GRB10: variants seen among roughly 807,000 people sequenced by gnomAD.
The protein encoded by GRB10 is growth factor receptor-bound protein 10.
In GRB10, 20 loss-of-function variants were observed where a neutral mutation model predicts 80.9. That is an observed-to-expected ratio of 0.25 (90% CI 0.17 to 0.36). The LOEUF (loss-of-function observed/expected upper bound fraction) is 0.36. GRB10 is among the 10% of genes least tolerant of loss of function. The probability of loss-of-function intolerance (pLI) is 1.00; values close to 1 mark genes in which losing one functional copy is unlikely to be tolerated. For missense variants in GRB10, 548 were observed against 747.7 expected, an observed-to-expected ratio of 0.73 and a Z score of 3.12; for synonymous variants, 291 against 291.5, an observed-to-expected ratio of 1.00 and a Z score of 0.02.
Position 50,782,527 on chromosome 7 carries a change from C to G in GRB10, c.-430G>C, listed in dbSNP as rs1193085314. On this transcript the variant is annotated 5_prime_UTR_variant, in exon 1 of 19. Transcript: ENST00000401949. This position sits in a 1 kb window ranked among gnomAD's most constrained non-coding sequence, Gnocchi z 6.6. Reference sequence around the variant, plus strand: ...GCCCCCGCAGTGCCCGGCGCGTGGACAGCGCTCCGCATGGACAGCGCTCGG... The same window carrying G: ...GCCCCCGCAGTGCCCGGCGCGTGGAGAGCGCTCCGCATGGACAGCGCTCGG... 6.6e-6 allele frequency: 1 copy of G among 150,428 alleles called. No homozygotes were observed. The highest frequency in any genetic ancestry group is 1.5e-5 in the Non-Finnish European group (1 of 67,428). The allele number at this position is 150,428 out of a possible 1,614,324, so 9.3% of individuals were successfully genotyped here. A position where few individuals can be genotyped will look rare whatever the true frequency, so the allele number is the denominator to read the frequency against.
At chr7:50,776,295 C>T (rs1449181643) in intron 2 of GRB10, among the ~76,000 whole-genome samples, 2 of 152,160 alleles carry the variant, frequency 1.3e-5, no homozygotes, top group East Asian at 3.8e-4. Flanking sequence ...CTCACTGTAG[C>T]CTTGACCTCC....
At chr7:50,663,182 AT>A (rs1433779398) in intron 7 of GRB10, among the ~76,000 whole-genome samples, 1 of 152,156 alleles carries the variant, frequency 6.6e-6, no homozygotes, top group Admixed American at 6.5e-5. Context: ...GCAGAGTGAG[AT>A]GCTGCTGGGA....
At chr7:50,727,603 G>T (rs2068855356) in intron 4 of GRB10, among the ~76,000 whole-genome samples, 1 of 152,214 alleles carries the variant, frequency 6.6e-6, no homozygotes, top group African/African-American at 2.4e-5. Flanking sequence ...ACAGCAATTT[G>T]CCAGATCAAT....
intron 5 of GRB10, among the ~76,000 whole-genome samples, chr7:50,689,156 C>G (rs1010655405): frequency 6.6e-6 from 1 of 152,156 alleles, no homozygotes; most frequent in Non-Finnish European, 1.5e-5. Flanking sequence ...AACCATTTTG[C>G]CATGATGCAG....
At chr7:50,627,064 T>A in intron 7 of GRB10, 86 bp from the exon 8 acceptor site, 1 of 1,379,440 alleles carries the variant, frequency 7.2e-7, no homozygotes, top group Non-Finnish European at 1.0e-6. Context: ...ACAGGTAAAG[T>A]AAAAATAGTA....
chr7:50,760,509 GT>G (rs556692130), intron 2 of GRB10, among the ~76,000 whole-genome samples: 1 of 152,134 alleles, frequency 6.6e-6, no homozygotes, highest in East Asian at 1.9e-4. Context: ...AATTCAAGCA[GT>G]TTTTTTCTTA....
chr7:50,593,110 CAAG>C lies in GRB10; in HGVS notation c.1639-15_1639-13del. The C allele has an allele frequency of 6.2e-7, 1 of 1,614,064 alleles. No homozygotes were observed. ...CCGTCGTCCTCGCACTGGAGAGACACAAGAACACTTGCCAGGTTAGAGGCTGCC... is the reference window on the plus strand; with the variant it reads ...CCGTCGTCCTCGCACTGGAGAGACACAACACTTGCCAGGTTAGAGGCTGCC... On this transcript the variant is annotated splice_polypyrimidine_tract_variant and intron_variant, in intron 18 of 18. Coordinates refer to ENST00000401949, the MANE Select transcript of GRB10 (RefSeq NM_001350814.2).
At chr7:50,728,078 C>T (rs2068942253) in intron 4 of GRB10, among the ~76,000 whole-genome samples, 1 of 152,136 alleles carries the variant, frequency 6.6e-6, no homozygotes, top group Non-Finnish European at 1.5e-5. Context: ...TCAGCTGGAA[C>T]AGTCAAATAA....
chr7:50,768,376 A>T (rs1562664775), intron 2 of GRB10, among the ~76,000 whole-genome samples: 1 of 152,176 alleles, frequency 6.6e-6, no homozygotes, highest in Non-Finnish European at 1.5e-5. Context: ...ACCTCCTTCA[A>T]TCCCCAAATT....
At chr7:50,780,035 C>A (rs2078118202) in intron 2 of GRB10, among the ~76,000 whole-genome samples, 1 of 152,166 alleles carries the variant, frequency 6.6e-6, no homozygotes, top group Non-Finnish European at 1.5e-5. Context: ...ACTGGCCCCC[C>A]AATCCTAGTC....
intron 7 of GRB10, among the ~76,000 whole-genome samples, chr7:50,657,330 A>C (rs1003498915): frequency 6.6e-6 from 1 of 152,170 alleles, no homozygotes; most frequent in African/African-American, 2.4e-5. Context: ...CCAAGGTTAA[A>C]TGAAGAAGAA....
chr7:50,605,711 T>TC (rs1288512400), intron 14 of GRB10, among the ~76,000 whole-genome samples: 1 of 152,090 alleles, frequency 6.6e-6, no homozygotes, highest in Non-Finnish European at 1.5e-5. Context: ...TGACCTGCAC[T>TC]CCAACACATC....
chr7:50,626,704 T>C, intron 8 of GRB10, 118 bp downstream of exon 8: 4 of 1,137,336 alleles, frequency 3.5e-6, no homozygotes, highest in Non-Finnish European at 5.3e-6. Context: ...ACCCAGAGAC[T>C]GCCTGCTAAT....
rs146927875 is a variant in GRB10, at chr7:50,670,317, C to A, written c.363-454G>T. Among the ~76,000 whole-genome samples the A allele has an allele frequency of 5.8e-4, 88 of 152,184 alleles. No homozygotes were observed. The East Asian group carries it at 0.015, about 26-fold the overall frequency. On this transcript the variant is annotated intron_variant, in intron 6 of 18. Coordinates refer to ENST00000401949, the MANE Select transcript of GRB10 (RefSeq NM_001350814.2). ...TCGCTGTTTATTGGGGACAGAGTTT[C>A]AGTTTCATAAGATGAGAAAGTTCTG...
chr7:50,637,197 G>A (rs763449371), intron 7 of GRB10, among the ~76,000 whole-genome samples: 4 of 152,038 alleles, frequency 2.6e-5, no homozygotes, highest in Admixed American at 1.3e-4. Flanking sequence ...GGCTGGTCTC[G>A]AACTCCTGGA....
At chr7:50,612,245 C>T (rs1348256781) in intron 13 of GRB10, among the ~76,000 whole-genome samples, 2 of 152,150 alleles carry the variant, frequency 1.3e-5, no homozygotes, top group South Asian at 4.1e-4. Flanking sequence ...TAATTAACAC[C>T]TCATGTACTA....
At chr7:50,706,479 C>T (rs538431333) in intron 4 of GRB10, among the ~76,000 whole-genome samples, 2 of 152,346 alleles carry the variant, frequency 1.3e-5, no homozygotes, top group East Asian at 3.9e-4. Flanking sequence ...CAGTCAAACT[C>T]TTCTTCACAC....
intron 3 of GRB10, among the ~76,000 whole-genome samples, chr7:50,733,336 G>GC (rs1311176090): frequency 6.6e-6 from 1 of 151,890 alleles, no homozygotes; most frequent in African/African-American, 2.4e-5. Context: ...AAGTCCCCTC[G>GC]CCCCCTCCCC....
At chr7:50,654,597 CATTTTATTTTGAAATA>C (rs774735310) in intron 7 of GRB10, among the ~76,000 whole-genome samples, 21 of 152,160 alleles carry the variant, frequency 1.4e-4, no homozygotes, top group Non-Finnish European at 2.2e-4. Flanking sequence ...CTTTGTTTAG[CATTTTATTTTGAAATA>C]ATTTTATTTT....
Sources: allele counts gnomAD v4.1 joint callset (sites outside exome capture counted in the v4.1 genomes callset), GRCh38; gene constraint gnomAD v4.1.1; non-coding constraint Gnocchi (gnomAD v3.1); transcripts MANE v1.5; gene names NCBI Gene and HGNC (gene_info 2026-07-23, HGNC 2026-07-21).